ATG12: variants seen among roughly 807,000 people sequenced by gnomAD.
ATG12 encodes the protein autophagy related 12.
ATG12 carries 19 observed loss-of-function variants against 17.6 expected under a neutral mutation model. That is an observed-to-expected ratio of 1.08 (90% CI 0.75 to 1.58). The LOEUF (loss-of-function observed/expected upper bound fraction) is 1.58, where lower values mean the gene tolerates loss of function less well. Ranked by LOEUF, ATG12 falls within the 40% of genes most tolerant of loss-of-function variation. The pLI is 0.00. For missense variants in ATG12, 214 were observed against 162.0 expected, an observed-to-expected ratio of 1.32 and a Z score of -1.74; for synonymous variants, 75 against 62.4, an observed-to-expected ratio of 1.20 and a Z score of -0.95.
chr5:115,841,246 G>A (rs1295536359), intron 1 of ATG12, 144 bp downstream of exon 1: 11 of 1,122,538 alleles, frequency 9.8e-6, no homozygotes, highest in Middle Eastern at 2.9e-4. Flanking sequence ...AAATCAAAAA[G>A]TACACTTCTT....
At chr5:115,835,063 T>C (rs1417519368) in intron 2 of ATG12, 1 of 152,182 alleles carries the variant, frequency 6.6e-6, no homozygotes, top group African/African-American at 2.4e-5. Flanking sequence ...TTCCTCCTAC[T>C]TTAGTCTCCA....
chr5:115,829,664 T>C lies in ATG12; in HGVS notation c.*2140A>G, dbSNP rs1342595673. The C allele has an allele frequency of 6.6e-6, 1 of 152,196 alleles. No individual in the cohort carries two copies. Among genetic ancestry groups the C allele is most frequent in the Non-Finnish European group, 1.5e-5 (1 of 68,030 alleles). 9.4% of individuals were successfully genotyped at this position (152,196 alleles called of 1,614,324 possible). On this transcript the variant is annotated 3_prime_UTR_variant, in exon 4 of 4. Coordinates refer to ENST00000509910, the MANE Select transcript of ATG12 (RefSeq NM_004707.4). The stretch of plus-strand genomic sequence containing the variant: ...GTTTTTCCCCCAAGTTTAATCAGAC[T>C]TGAGAGTTTAAATTAAAAATAAATT...
intron 2 of ATG12, among the ~76,000 whole-genome samples, chr5:115,836,589 T>G (rs527898038): frequency 6.6e-6 from 1 of 152,198 alleles, no homozygotes; most frequent in African/African-American, 2.4e-5. Context: ...GCTTTAATGA[T>G]AGTTCACTTG....
Position 115,840,741 on chromosome 5 carries a change from A to G in ATG12, c.163+649T>C, listed in dbSNP as rs1761376561. On this transcript the variant is annotated intron_variant, in intron 1 of 3. Coordinates refer to ENST00000509910, the MANE Select transcript of ATG12 (RefSeq NM_004707.4). ...GTGCTTTAGAACACGTAATTTTAGC[A>G]ATCTCTTTTACAAAGGGAAACATTC... 35 of 1,180,406 alleles carry G rather than the reference A, an allele frequency of 3.0e-5. No individual in the cohort carries two copies. The South Asian group carries it at 5.3e-4, about 18-fold the overall frequency. 73.1% of individuals were successfully genotyped at this position (1,180,406 alleles called of 1,614,324 possible). A position where few individuals can be genotyped will look rare whatever the true frequency, so the allele number is the denominator to read the frequency against.
rs182210498 is a variant in ATG12 at position 115,828,520 on chromosome 5, G to A, written c.*3284C>T. 70 of 152,170 alleles carry A rather than the reference G, an allele frequency of 4.6e-4. No homozygotes were observed. Among genetic ancestry groups the A allele is most frequent in the African/African-American group, 1.5e-3 (64 of 41,516 alleles). 9.4% of individuals were successfully genotyped at this position (152,170 alleles called of 1,614,324 possible). On this transcript the variant is annotated 3_prime_UTR_variant, in exon 4 of 4. Transcript: ENST00000509910. ...TTGTTGGCCATTTGTATCTTTTTGTGAATCGAAATTTGGTATGTTTTGCCT... is the reference window on the plus strand; with the variant it reads ...TTGTTGGCCATTTGTATCTTTTTGTAAATCGAAATTTGGTATGTTTTGCCT...
chr5:115,840,832 G>A, intron 1 of ATG12: 9 of 1,244,798 alleles, frequency 7.2e-6, no homozygotes, highest in South Asian at 2.7e-5. Flanking sequence ...GTTCCAAAAT[G>A]TGTTTCTTAA....
At chr5:115,832,574 T>C in intron 3 of ATG12, 28 bp downstream of exon 3, 2 of 342,360 alleles carry the variant, frequency 5.8e-6, no homozygotes, top group Non-Finnish European at 7.7e-6. Context: ...TTTCTTTCTT[T>C]TTTTTTTTTT....
chr5:115,834,826 T>A (rs1278173055), intron 2 of ATG12: 1 of 152,172 alleles, frequency 6.6e-6, no homozygotes, highest in East Asian at 1.9e-4. Flanking sequence ...GTCCAGTAAT[T>A]TTAACAGAAT....
At chr5:115,833,341 C>T (rs1760963669) in intron 2 of ATG12, 2 of 151,520 alleles carry the variant, frequency 1.3e-5, no homozygotes, top group Admixed American at 6.6e-5. Context: ...CTTTAATATC[C>T]AAATTTGGGA....
rs1760931119 is a variant in ATG12 at position 115,832,618 on chromosome 5, A to G, written c.347T>C (p.Val116Ala). ...TTTTTTTACCTCATAGAGAGTTCCA[A>G]CTTCTTGGTCTGGGGAAGGAGCAAA... ...QSFAPSPDQE[V>A]GTLYECFGSD... is the part of the protein sequence containing the mutation. Residue 116 changes from valine to alanine, a missense_variant, in exon 3 of 4, where the codon GTT becomes GCT. By Grantham distance (64) the Val-to-Ala change is moderately conservative. Coordinates refer to ENST00000509910, the MANE Select transcript of ATG12 (RefSeq NM_004707.4). 1 of 1,405,786 alleles carries G rather than the reference A, an allele frequency of 7.1e-7. No individual in the cohort carries two copies. The highest frequency in any genetic ancestry group is 9.3e-7 in the Non-Finnish European group (1 of 1,075,082). 87.1% of individuals were successfully genotyped at this position (1,405,786 alleles called of 1,614,324 possible).
chr5:115,837,834 T>C (rs1224814247), intron 1 of ATG12, 70 bp from the exon 2 acceptor site: 2 of 1,292,674 alleles, frequency 1.5e-6, no homozygotes, highest in Non-Finnish European at 2.1e-6. Context: ...TATAAAAGAC[T>C]TAGAAATCAG....
chr5:115,841,420 C>T lies in ATG12; in HGVS notation c.133G>A (p.Glu45Lys). 6.2e-7 allele frequency: 1 copy of T among 1,610,572 alleles called. No individual in the cohort carries two copies. The change falls in exon 1 of 4, where the codon GAG becomes AAG. Residue 45 changes from glutamate to lysine, a missense_variant. By Grantham distance (56) the Glu-to-Lys change is moderately conservative. Transcript: ENST00000509910. Reference protein sequence around the residue: ...PSSAAVSPGTEEPAGDTKKKI... With the variant: ...PSSAAVSPGTKEPAGDTKKKI... Reference sequence around the variant, plus strand: ...TTCTTGGTGTCGCCAGCAGGTTCCTCTGTTCCCGGGGAAACTGCAGCGGAA... The same window carrying T: ...TTCTTGGTGTCGCCAGCAGGTTCCTTTGTTCCCGGGGAAACTGCAGCGGAA...
rs754626092 is a variant in ATG12 at position 115,832,562 on chromosome 5, AATTT to A, written c.363+36_363+39del. 4.8e-3 allele frequency: 7,013 copies of A among 1,456,306 alleles called. 472 individuals are homozygous for A. In the African/African-American group the frequency reaches 0.1, roughly 21 times the overall value. The allele number at this position is 1,456,306 out of a possible 1,614,324, so 90.2% of individuals were successfully genotyped here. On this transcript the variant is annotated intron_variant, in intron 3 of 3. Transcript: ENST00000509910. ...TACTCGATTAAGAAAAAAAAGCAGTAATTTCTTTCTTTTTTTTTTTTTTTTTTTT... is the reference window on the plus strand; with the variant it reads ...TACTCGATTAAGAAAAAAAAGCAGTACTTTCTTTTTTTTTTTTTTTTTTTT...
At chr5:115,841,321 C>T in intron 1 of ATG12, 69 bp downstream of exon 1, 2 of 1,596,832 alleles carry the variant, frequency 1.3e-6, no homozygotes, top group Non-Finnish European at 1.7e-6. Context: ...TGCTTCTTTA[C>T]TGGCCGCCAC....
At position 115,836,894 on chromosome 5, in the gene ATG12, C is replaced by T. The variant is rs376318295; in HGVS notation, c.300+734G>A. Among the ~76,000 whole-genome samples the T allele has an allele frequency of 5.4e-4, 82 of 152,326 alleles. 2 individuals are homozygous for T. In the East Asian group the frequency reaches 9.7e-3, roughly 18 times the overall value. ...TTTAAAGAATTAACCTTTACTACAA[C>T]TGCCACTGTGAAGTGCTTAACGTGT... is the stretch of plus-strand genomic sequence containing the variant. On this transcript the variant is annotated intron_variant, in intron 2 of 3. Coordinates refer to ENST00000509910, the MANE Select transcript of ATG12 (RefSeq NM_004707.4).
chr5:115,840,851 C>A, intron 1 of ATG12: 2 of 1,271,898 alleles, frequency 1.6e-6, no homozygotes, highest in South Asian at 1.3e-5. Context: ...AAAAAGGTAA[C>A]ATCTATGCCT....
chr5:115,841,527 A>ACTTGCTTGGAG lies in ATG12; in HGVS notation c.25_26insCTCCAAGCAAG (p.Leu9SerfsTer55). ...AGCAGCAATTGAAGTAGGAAGCTGC[A>ACTTGCTTGGAG]ACACAGACTGCGGCTCCTCCGCCAT... On this transcript the variant is annotated frameshift_variant, in exon 1 of 4. Coordinates refer to ENST00000509910, the MANE Select transcript of ATG12 (RefSeq NM_004707.4). LOFTEE classifies it high-confidence loss of function. 1 of 1,613,490 alleles carries ACTTGCTTGGAG rather than the reference A, an allele frequency of 6.2e-7. No homozygotes were observed. The highest frequency in any genetic ancestry group is 1.1e-5 in the South Asian group (1 of 91,076).
At position 115,829,451 on chromosome 5, in the gene ATG12, C is replaced by T. The variant is rs1289823405; in HGVS notation, c.*2353G>A. On this transcript the variant is annotated 3_prime_UTR_variant, in exon 4 of 4. Transcript: ENST00000509910. ...TGATTTCGGATAAACATTAATTTGC[C>T]TTATTCCTTAAATATGGTGAATTCA... 5 of 152,096 alleles carry T rather than the reference C, an allele frequency of 3.3e-5. 1 individual carries two copies. The South Asian group carries it at 8.3e-4, about 25-fold the overall frequency. The allele number at this position is 152,096 out of a possible 1,614,324, so 9.4% of individuals were successfully genotyped here. A position where few individuals can be genotyped will look rare whatever the true frequency, so the allele number is the denominator to read the frequency against.
intron 1 of ATG12, among the ~76,000 whole-genome samples, chr5:115,840,012 ATCATCAGAGTCAAGTAAC>A (rs1761283061): frequency 6.6e-6 from 1 of 152,218 alleles, no homozygotes; most frequent in Non-Finnish European, 1.5e-5. Flanking sequence ...TTGCACAGCT[ATCATCAGAGTCAAGTAAC>A]AAGTTTTGAC....
Sources: allele counts gnomAD v4.1 joint callset (sites outside exome capture counted in the v4.1 genomes callset), GRCh38; gene constraint gnomAD v4.1.1; transcripts MANE v1.5; gene names NCBI Gene and HGNC (gene_info 2026-07-23, HGNC 2026-07-21).